Variants in DCAF7 observed in about 807,000 individuals in gnomAD.
The protein encoded by DCAF7 is DDB1 and CUL4 associated factor 7.
Under a neutral mutation model 41.2 loss-of-function variants are expected in DCAF7, and 4 were observed. That is an observed-to-expected ratio of 0.10 (90% CI 0.05 to 0.22). DCAF7 has a LOEUF of 0.22. Ranked by LOEUF, DCAF7 falls within the 10% of genes least tolerant of loss-of-function variation. The pLI, the probability that DCAF7 is intolerant of heterozygous loss-of-function variation, is 1.00. For missense variants in DCAF7, 131 were observed against 443.2 expected, an observed-to-expected ratio of 0.30 and a Z score of 6.32; for synonymous variants, 143 against 164.2, an observed-to-expected ratio of 0.87 and a Z score of 0.99.
Position 63,589,689 on chromosome 17 carries a change from G to T in DCAF7, c.*517G>T. 1 of 190,148 alleles carries T rather than the reference G, an allele frequency of 5.3e-6. No individual in the cohort carries two copies. Among genetic ancestry groups the T allele is most frequent in the Non-Finnish European group, 1.1e-5 (1 of 90,132 alleles). 11.8% of individuals were successfully genotyped at this position (190,148 alleles called of 1,614,324 possible). ...TATCAGGCTAATTTTTTTATGAAAA[G>T]AATTTTACTCTCCTGCTTCATTTCT... is the stretch of plus-strand genomic sequence containing the variant. On this transcript the variant is annotated 3_prime_UTR_variant, in exon 7 of 7. Transcript: ENST00000614556.
chr17:63,574,410 T>G (rs568880425), intron 1 of DCAF7, among the ~76,000 whole-genome samples: 69 of 152,348 alleles, frequency 4.5e-4, no homozygotes, highest in African/African-American at 1.6e-3. Flanking sequence ...TTTACATCTT[T>G]ATACGTTAAC....
At position 63,550,566 on chromosome 17, in the gene DCAF7, G is replaced by C; in HGVS notation, c.-112G>C. On this transcript the variant is annotated 5_prime_UTR_variant, in exon 1 of 7. Coordinates refer to ENST00000614556, the MANE Select transcript of DCAF7 (RefSeq NM_005828.5). The surrounding 1 kb of genome is among the most constrained non-coding windows in gnomAD (Gnocchi z 4.8). Reference sequence around the variant, plus strand: ...CGCATCCCCGCTTCCGGGTTAGGCCGTTCCTGCCCGCCCCCTCCTCTCCTC... The same window carrying C: ...CGCATCCCCGCTTCCGGGTTAGGCCCTTCCTGCCCGCCCCCTCCTCTCCTC... The C allele has an allele frequency of 1.3e-6, 2 of 1,492,414 alleles. No individual in the cohort carries two copies. The highest frequency in any genetic ancestry group is 1.8e-6 in the Non-Finnish European group (2 of 1,116,412). The allele number at this position is 1,492,414 out of a possible 1,614,324, so 92.4% of individuals were successfully genotyped here.
chr17:63,571,397 C>T (rs2033505234), intron 1 of DCAF7, among the ~76,000 whole-genome samples: 1 of 151,864 alleles, frequency 6.6e-6, no homozygotes, highest in Non-Finnish European at 1.5e-5. Context: ...ATACTTAGTA[C>T]CTTAATTATT....
chr17:63,575,886 G>A (rs7222258), intron 1 of DCAF7, among the ~76,000 whole-genome samples: 3,560 of 152,268 alleles, frequency 0.023, 120 homozygotes, highest in African/African-American at 0.08. Context: ...CAAAAGTAGA[G>A]AATAGCAAAA....
Position 63,564,293 on chromosome 17 carries a change from A to C in DCAF7, c.138+13478A>C, listed in dbSNP as rs79388004. 8.3e-3 allele frequency among the ~76,000 whole-genome samples: 1,264 copies of C among 152,342 alleles called. 17 individuals carry two copies. The highest frequency in any genetic ancestry group is 0.029 in the African/African-American group (1,208 of 41,566). On this transcript the variant is annotated intron_variant, in intron 1 of 6. Coordinates refer to ENST00000614556, the MANE Select transcript of DCAF7 (RefSeq NM_005828.5). ...CCCAATTGGAATGTCATCAAAATAG[A>C]TAAAACTTGTAAAAATGGACAAGAA...
chr17:63,565,547 C>T (rs1451592002), intron 1 of DCAF7, among the ~76,000 whole-genome samples: 1 of 151,302 alleles, frequency 6.6e-6, no homozygotes, highest in Non-Finnish European at 1.5e-5. Flanking sequence ...GCCTGGGCAA[C>T]AAGAGCAAAA....
chr17:63,587,675 A>G (rs1435340909), intron 6 of DCAF7, among the ~76,000 whole-genome samples: 1 of 152,094 alleles, frequency 6.6e-6, no homozygotes, highest in Non-Finnish European at 1.5e-5. Context: ...ATTGCCCACA[A>G]TTAGTCTATT....
chr17:63,550,632 C>G lies in DCAF7; in HGVS notation c.-46C>G. The G allele has an allele frequency of 6.2e-7, 1 of 1,601,178 alleles. No homozygotes were observed. The highest frequency in any genetic ancestry group is 1.3e-5 in the African/African-American group (1 of 74,856). ...ATCTCAGGCTCGGCTCCCCGCCCGC[C>G]GCAGCCCACTGTTGACCCGGCCCGT... On this transcript the variant is annotated 5_prime_UTR_variant, in exon 1 of 7. Coordinates refer to ENST00000614556, the MANE Select transcript of DCAF7 (RefSeq NM_005828.5). This position sits in a 1 kb window ranked among gnomAD's most constrained non-coding sequence, Gnocchi z 4.8.
intron 1 of DCAF7, among the ~76,000 whole-genome samples, chr17:63,553,363 T>A (rs1425153276): frequency 6.6e-6 from 1 of 152,154 alleles, no homozygotes; most frequent in Non-Finnish European, 1.5e-5. Context: ...AACAAAAAAA[T>A]TTAGCTAGAG....
intron 6 of DCAF7, among the ~76,000 whole-genome samples, chr17:63,588,001 A>G (rs1356791372): frequency 1.3e-5 from 2 of 151,534 alleles, no homozygotes; most frequent in Non-Finnish European, 2.9e-5. Context: ...AAAAAAAAAA[A>G]AAAGTAATAT....
chr17:63,551,559 C>T (rs1323046608), intron 1 of DCAF7, among the ~76,000 whole-genome samples: 1 of 152,052 alleles, frequency 6.6e-6, no homozygotes, highest in African/African-American at 2.4e-5. Context: ...TATAGAAGCA[C>T]GGTGTAGTAG....
rs775653005 is a variant in DCAF7 at position 63,583,593 on chromosome 17, G to A, written c.620G>A (p.Arg207His). 3 of 1,613,702 alleles carry A rather than the reference G, an allele frequency of 1.9e-6. No individual in the cohort carries two copies. Among genetic ancestry groups the A allele is most frequent in the Non-Finnish European group, 1.7e-6 (2 of 1,179,758 alleles). The stretch of plus-strand genomic sequence containing the variant: ...GGCTCGGTGCGGATGTTTGACCTCC[G>A]CCATCTAGAACACAGCACCATCATT... Reference protein sequence around the residue: ...ADGSVRMFDLRHLEHSTIIYE... With the variant: ...ADGSVRMFDLHHLEHSTIIYE... The change falls in exon 5 of 7, where the codon CGC becomes CAC. Residue 207 changes from arginine to histidine, a missense_variant. Arg to His is a conservative substitution (Grantham distance 29). Transcript: ENST00000614556.
intron 1 of DCAF7, among the ~76,000 whole-genome samples, chr17:63,562,033 G>A (rs539438709): frequency 2.0e-5 from 3 of 149,698 alleles, no homozygotes; most frequent in South Asian, 4.2e-4. Flanking sequence ...AAAAAACTTA[G>A]GGGGAAAAAG....
chr17:63,551,889 TACAAAAAAAAAAAAAAAAAAAAAA>T (rs2033259069), intron 1 of DCAF7, among the ~76,000 whole-genome samples: 1 of 11,940 alleles, frequency 8.4e-5, no homozygotes, highest in South Asian at 3.7e-3. Flanking sequence ...TCTACTAAAA[TACAAAAAAAAAAAAAAAAAAAAAA>T]AAAAAAAAAA....
At chr17:63,587,692 T>C (rs1653890751) in intron 6 of DCAF7, among the ~76,000 whole-genome samples, 1 of 152,186 alleles carries the variant, frequency 6.6e-6, no homozygotes, top group South Asian at 2.1e-4. Context: ...TATTAGGGTT[T>C]AGTTTATTCA....
intron 1 of DCAF7, among the ~76,000 whole-genome samples, chr17:63,569,991 G>A (rs1036512182): frequency 6.6e-6 from 1 of 152,160 alleles, no homozygotes; most frequent in Non-Finnish European, 1.5e-5. Context: ...GGGATTACAG[G>A]TGTGAGCCAC....
At position 63,579,949 on chromosome 17, in the gene DCAF7, A is replaced by T; in HGVS notation, c.528+6A>T. On this transcript the variant is annotated splice_donor_region_variant and intron_variant, in intron 4 of 6. Coordinates refer to ENST00000614556, the MANE Select transcript of DCAF7 (RefSeq NM_005828.5). ...TGATCGCCCATGACAAAGAGGTAAGATGCTTTTCCATTTCGTCTTTCCTCA... is the reference window on the plus strand; with the variant it reads ...TGATCGCCCATGACAAAGAGGTAAGTTGCTTTTCCATTTCGTCTTTCCTCA... 1 of 1,610,386 alleles carries T rather than the reference A, an allele frequency of 6.2e-7. No homozygotes were observed. Among genetic ancestry groups the T allele is most frequent in the Non-Finnish European group, 8.5e-7 (1 of 1,177,008 alleles).
intron 4 of DCAF7, among the ~76,000 whole-genome samples, chr17:63,580,609 T>C (rs920561092): frequency 2.7e-5 from 4 of 149,900 alleles, no homozygotes; most frequent in Non-Finnish European, 5.9e-5. Context: ...TCCTCTGCCT[T>C]CTGGGTTCAA....
chr17:63,561,331 G>C (rs1380994769), intron 1 of DCAF7, among the ~76,000 whole-genome samples: 2 of 152,160 alleles, frequency 1.3e-5, no homozygotes, highest in African/African-American at 4.8e-5. Flanking sequence ...ATATCTAAGA[G>C]TATAGCGTTT....
Sources: allele counts gnomAD v4.1 joint callset (sites outside exome capture counted in the v4.1 genomes callset), GRCh38; gene constraint gnomAD v4.1.1; non-coding constraint Gnocchi (gnomAD v3.1); transcripts MANE v1.5; gene names NCBI Gene and HGNC (gene_info 2026-07-23, HGNC 2026-07-21).